The following MYO9A variants were observed in gnomAD, a reference collection of about 807,000 sequenced individuals.
MYO9A encodes myosin IXA, also known as unconventional myosin-IXa.
In MYO9A, 103 loss-of-function variants were observed where a neutral mutation model predicts 293.3. That is an observed-to-expected ratio of 0.35 (90% CI 0.30 to 0.41). The LOEUF (loss-of-function observed/expected upper bound fraction) is 0.41. Ranked by LOEUF, MYO9A falls within the 10% of genes least tolerant of loss-of-function variation. MYO9A has a pLI of 1.00. For missense variants in MYO9A, 2,685 were observed against 3,033.0 expected (o/e 0.89, Z 2.69); for synonymous variants, 1,001 against 1,035.7 (o/e 0.97, Z 0.64).
intron 39 of MYO9A, among the ~76,000 whole-genome samples, chr15:71,840,844 G>A (rs1324223374): frequency 6.6e-6 from 1 of 152,178 alleles, no homozygotes. Context: ...CGTTAGCCAG[G>A]ATGGTCTCGA....
chr15:72,115,138 G>A (rs1156555975), intron 1 of MYO9A, among the ~76,000 whole-genome samples: 2 of 152,124 alleles, frequency 1.3e-5, no homozygotes, highest in African/African-American at 4.8e-5. Context: ...GCTTAAACTA[G>A]AATAAGTTTT....
At position 71,994,454 on chromosome 15, in the gene MYO9A, C is replaced by T; in HGVS notation, c.1587+15G>A. On this transcript the variant is annotated intron_variant, in intron 10 of 41. Coordinates refer to ENST00000356056, the MANE Select transcript of MYO9A (RefSeq NM_006901.4). ...CTTTCAGGGAAAAACATATTATAAT[C>T]CAATATATCATTACCTTGGTATTAT... The T allele has an allele frequency of 6.9e-7, 1 of 1,450,342 alleles. No homozygotes were observed. The highest frequency in any genetic ancestry group is 1.3e-5 in the South Asian group (1 of 78,590). The allele number at this position is 1,450,342 out of a possible 1,614,324, so 89.8% of individuals were successfully genotyped here.
In MYO9A at chr15:72,008,255, T is replaced by C. The variant is rs559672074; in HGVS notation, c.1254-303A>G. Among the ~76,000 whole-genome samples the C allele has an allele frequency of 8.5e-5, 13 of 152,344 alleles. No homozygotes were observed. In the South Asian group the frequency reaches 2.7e-3, roughly 32 times the overall value. On this transcript the variant is annotated intron_variant, in intron 7 of 41. Transcript: ENST00000356056. The stretch of plus-strand genomic sequence containing the variant: ...TTTAAAAAGGCCATGCCTCTCTAAA[T>C]GCTATTTATCCTGCCAGGAATGCTT...
At chr15:71,895,183 T>A (rs1435930746) in intron 25 of MYO9A, among the ~76,000 whole-genome samples, 4 of 152,220 alleles carry the variant, frequency 2.6e-5, no homozygotes, top group African/African-American at 9.6e-5. Flanking sequence ...TCCTAGCTTG[T>A]TCTAAAGGAT....
intron 1 of MYO9A, among the ~76,000 whole-genome samples, chr15:72,083,836 A>T (rs1316445900): frequency 1.3e-5 from 2 of 152,232 alleles, no homozygotes; most frequent in African/African-American, 4.8e-5. Flanking sequence ...TGTGACTTCT[A>T]ATTTTATTGC....
chr15:72,109,987 A>AT lies in MYO9A; in HGVS notation c.-72+7692dup, dbSNP rs775739118. ...GTCACCTAAGAACTTTCTCCCTTAC[A>AT]TTAAAAAAAAAAAAAAAATCTAGCC... On this transcript the variant is annotated intron_variant, in intron 1 of 41. Coordinates refer to ENST00000356056, the MANE Select transcript of MYO9A (RefSeq NM_006901.4). Among the ~76,000 whole-genome samples, 139 of 86,752 alleles carry AT rather than the reference A, an allele frequency of 1.6e-3. 1 individual carries two copies. The highest frequency in any genetic ancestry group is 6.8e-3 in the Middle Eastern group (1 of 146). The allele number at this position is 86,752 out of a possible 152,430, so 56.9% of individuals were successfully genotyped here.
chr15:72,021,804 A>C (rs2077509460), intron 4 of MYO9A, among the ~76,000 whole-genome samples: 1 of 152,194 alleles, frequency 6.6e-6, no homozygotes, highest in African/African-American at 2.4e-5. Flanking sequence ...TGCATGCATA[A>C]TGCTGTGGAC....
chr15:71,853,292 T>C (rs1251593441), intron 35 of MYO9A, among the ~76,000 whole-genome samples: 2 of 152,228 alleles, frequency 1.3e-5, no homozygotes, highest in African/African-American at 4.8e-5. Flanking sequence ...AAGGCTAATT[T>C]TAAGTCATTC....
chr15:71,991,184 GTTA>G lies in MYO9A; in HGVS notation c.1638_1640del (p.Asn547del). 1.2e-6 allele frequency: 2 copies of G among 1,607,992 alleles called. No homozygotes were observed. ...AATTAATACAGAACTGTTCAAAGCT[GTTA>G]TTTTCATAATCTTCAAACCCAAAAA... On this transcript the variant is annotated inframe_deletion, in exon 11 of 42. Transcript: ENST00000356056.
intron 15 of MYO9A, among the ~76,000 whole-genome samples, chr15:71,939,459 G>A (rs2058717643): frequency 6.6e-6 from 1 of 152,064 alleles, no homozygotes; most frequent in Admixed American, 6.5e-5. Flanking sequence ...GCAGTATTTG[G>A]TTTTCTGTTC....
intron 1 of MYO9A, among the ~76,000 whole-genome samples, chr15:72,083,117 C>G (rs1254308302): frequency 2.0e-5 from 3 of 152,014 alleles, no homozygotes; most frequent in African/African-American, 7.3e-5. Flanking sequence ...CTTTGTATAT[C>G]TGGTAGAATT....
intron 18 of MYO9A, among the ~76,000 whole-genome samples, chr15:71,929,639 A>C (rs1255031560): frequency 6.6e-6 from 1 of 152,182 alleles, no homozygotes; most frequent in Non-Finnish European, 1.5e-5. Flanking sequence ...ATAAACCCCA[A>C]CTGATCATGG....
intron 1 of MYO9A, among the ~76,000 whole-genome samples, chr15:72,066,356 C>T (rs187424956): frequency 3.1e-4 from 47 of 151,976 alleles, no homozygotes; most frequent in Admixed American, 7.2e-4. Flanking sequence ...CGTGGTGGTG[C>T]GTGCCTCTAG....
Position 71,897,679 on chromosome 15 carries a change from T to A in MYO9A, c.4824A>T (p.Lys1608Asn), listed in dbSNP as rs1265624807. 2 of 1,614,056 alleles carry A rather than the reference T, an allele frequency of 1.2e-6. No individual in the cohort carries two copies. Among genetic ancestry groups the A allele is most frequent in the Non-Finnish European group, 1.7e-6 (2 of 1,180,032 alleles). The change falls in exon 25 of 42, where the codon AAA (lysine) becomes AAT (asparagine). Residue 1608 changes from lysine to asparagine, a missense_variant. Coordinates refer to ENST00000356056, the MANE Select transcript of MYO9A (RefSeq NM_006901.4). ...DRPVTVFFER[K>N]GSPCQSSTVK... is the part of the protein sequence containing the mutation. ...CAGTACTAGATTGGCATGGACTTCC[T>A]TTTCTTTCAAAGAACACGGTGACAG...
At chr15:72,098,209 C>A (rs150857817) in intron 1 of MYO9A, among the ~76,000 whole-genome samples, 3 of 151,856 alleles carry the variant, frequency 2.0e-5, no homozygotes, top group Non-Finnish European at 2.9e-5. Context: ...TCATAAATGG[C>A]AACATGGCTT....
At chr15:72,106,927 A>G (rs1567048199) in intron 1 of MYO9A, among the ~76,000 whole-genome samples, 1 of 152,252 alleles carries the variant, frequency 6.6e-6, no homozygotes, top group Non-Finnish European at 1.5e-5. Flanking sequence ...ATACAGTCTA[A>G]GGACAAAAAG....
At chr15:72,032,889 C>T (rs183764111) in intron 2 of MYO9A, among the ~76,000 whole-genome samples, 137 of 152,224 alleles carry the variant, frequency 9.0e-4, no homozygotes, top group African/African-American at 3.1e-3. Flanking sequence ...GTCTCACTGT[C>T]GCCTAGGCTG....
intron 13 of MYO9A, among the ~76,000 whole-genome samples, chr15:71,961,001 C>A (rs1044743303): frequency 6.6e-6 from 1 of 152,152 alleles, no homozygotes; most frequent in Non-Finnish European, 1.5e-5. Context: ...CTCTGAACTT[C>A]AGTTGTTTGT....
chr15:72,044,860 A>G (rs1176187792), intron 2 of MYO9A, among the ~76,000 whole-genome samples: 1 of 152,204 alleles, frequency 6.6e-6, no homozygotes, highest in South Asian at 2.1e-4. Flanking sequence ...GGGATATACA[A>G]TGACTACAGT....
Sources: allele counts gnomAD v4.1 joint callset (sites outside exome capture counted in the v4.1 genomes callset), GRCh38; gene constraint gnomAD v4.1.1; transcripts MANE v1.5; gene names NCBI Gene and HGNC (gene_info 2026-07-23, HGNC 2026-07-21).